DMD: variants seen among roughly 807,000 people sequenced by gnomAD.
The protein encoded by DMD is mutant dystrophin.
DMD carries 63 observed loss-of-function variants against 330.1 expected under a neutral mutation model. The ratio of observed to expected loss-of-function variants is 0.19; its 90% CI spans 0.16 to 0.24. The LOEUF (loss-of-function observed/expected upper bound fraction) is 0.24. DMD is among the 10% of genes least tolerant of loss of function. The probability of loss-of-function intolerance (pLI) is 1.00; values close to 1 mark genes in which losing one functional copy is unlikely to be tolerated. For missense variants in DMD, 3,344 were observed against 2,684.1 expected (o/e 1.25, Z -5.43); for synonymous variants, 1,223 against 959.8 (o/e 1.27, Z -5.07).
intron 55 of DMD, chrX:31,508,629 G>A (rs1042506192): frequency 4.1e-5 from 5 of 123,082 alleles, no homozygotes; most frequent in Admixed American, 3.5e-4. Context: ...GAGAGCTGCC[G>A]GGTACCAGCA....
intron 60 of DMD, among the ~76,000 whole-genome samples, chrX:31,351,407 T>A (rs1051155079): frequency 9.0e-6 from 1 of 110,885 alleles, no homozygotes; most frequent in Non-Finnish European, 1.9e-5. Context: ...CAGCTACTGT[T>A]CTTGCTACTA....
intron 44 of DMD, among the ~76,000 whole-genome samples, chrX:32,145,243 T>G (rs1356364585): frequency 8.9e-6 from 1 of 112,402 alleles, no homozygotes; most frequent in Non-Finnish European, 1.9e-5. Flanking sequence ...GTGTTTTTGT[T>G]ACTGTGAATA....
At chrX:32,346,327 G>C (rs1336417697) in intron 38 of DMD, among the ~76,000 whole-genome samples, 1 of 111,437 alleles carries the variant, frequency 9.0e-6, no homozygotes, top group South Asian at 3.7e-4. Context: ...AAAGATGGGG[G>C]AGTGTGGTAC....
At chrX:32,375,069 A>G (rs903214686) in intron 34 of DMD, among the ~76,000 whole-genome samples, 8 of 111,139 alleles carry the variant, frequency 7.2e-5, no homozygotes, top group African/African-American at 2.0e-4. Context: ...AGGATAGAAC[A>G]GCACTGCTGC....
chrX:32,263,565 G>A (rs1394505728), intron 43 of DMD, among the ~76,000 whole-genome samples: 1 of 112,212 alleles, frequency 8.9e-6, no homozygotes, highest in Admixed American at 9.5e-5. Flanking sequence ...TATGCTAACT[G>A]TAGCAGGTTT....
chrX:31,227,941 G>C (rs1353720749), intron 63 of DMD, among the ~76,000 whole-genome samples: 5 of 109,445 alleles, frequency 4.6e-5, no homozygotes, highest in Non-Finnish European at 7.6e-5. Flanking sequence ...AAAAGGATGA[G>C]TTCATGTCCT....
At chrX:32,768,573 A>G (rs1225333900) in intron 7 of DMD, among the ~76,000 whole-genome samples, 1 of 112,111 alleles carries the variant, frequency 8.9e-6, no homozygotes, top group East Asian at 2.8e-4. Flanking sequence ...ACAAAATTCA[A>G]TGTCAGAATG....
At chrX:31,898,442 C>A (rs1279579994) in intron 47 of DMD, among the ~76,000 whole-genome samples, 1 of 110,472 alleles carries the variant, frequency 9.1e-6, no homozygotes, top group Non-Finnish European at 1.9e-5. Flanking sequence ...TGGAACAGAA[C>A]AGAGCCCTCA....
chrX:31,956,577 C>T (rs926308063), intron 45 of DMD, among the ~76,000 whole-genome samples: 4 of 111,640 alleles, frequency 3.6e-5, no homozygotes, highest in Admixed American at 1.9e-4. Flanking sequence ...AGTGCTAATA[C>T]GGAAAGTGTT....
Position 32,892,575 on chromosome X carries a change from T to G in DMD, c.94-42755A>C, listed in dbSNP as rs2085318447. Reference sequence around the variant, plus strand: ...CACCCGGCTAATTTTTTTTTGTATTTGTAGTAGAGACGGGGTTTCACCATG... The same window carrying G: ...CACCCGGCTAATTTTTTTTTGTATTGGTAGTAGAGACGGGGTTTCACCATG... On this transcript the variant is annotated intron_variant, in intron 2 of 78. Transcript: ENST00000357033. Among the ~76,000 whole-genome samples the G allele has an allele frequency of 2.7e-5, 3 of 111,119 alleles. No individual in the cohort carries two copies. In the South Asian group the frequency reaches 1.1e-3, roughly 42 times the overall value.
At chrX:32,385,554 T>C in intron 33 of DMD, among the ~76,000 whole-genome samples, 1 of 110,736 alleles carries the variant, frequency 9.0e-6, no homozygotes, top group East Asian at 2.8e-4. Context: ...TGTTATCGCA[T>C]CAACCTAAAA....
intron 9 of DMD, among the ~76,000 whole-genome samples, chrX:32,664,628 T>C (rs983726673): frequency 8.9e-6 from 1 of 112,104 alleles, no homozygotes; most frequent in Non-Finnish European, 1.9e-5. Flanking sequence ...TTGGGGCAAC[T>C]GGAAGGCTAT....
At chrX:32,778,239 C>T (rs749850782) in intron 7 of DMD, among the ~76,000 whole-genome samples, 1 of 91,426 alleles carries the variant, frequency 1.1e-5, no homozygotes, top group East Asian at 3.3e-4. Context: ...ATGTCAGATC[C>T]TCGCAAAAAA....
At chrX:32,753,643 G>A (rs2071108230) in intron 7 of DMD, among the ~76,000 whole-genome samples, 1 of 111,955 alleles carries the variant, frequency 8.9e-6, no homozygotes, top group Non-Finnish European at 1.9e-5. Flanking sequence ...AAAGACTCTT[G>A]ATGCTTTGTC....
chrX:32,197,968 C>T (rs1041179490), intron 44 of DMD, among the ~76,000 whole-genome samples: 3 of 111,307 alleles, frequency 2.7e-5, no homozygotes, highest in Non-Finnish European at 3.8e-5. Flanking sequence ...ATCCTCTGAC[C>T]AACACAGCCC....
At chrX:32,324,452 G>A (rs1456498949) in intron 41 of DMD, among the ~76,000 whole-genome samples, 2 of 110,988 alleles carry the variant, frequency 1.8e-5, no homozygotes, top group Non-Finnish European at 3.8e-5. Flanking sequence ...ACAATGCTGC[G>A]TTAATGGTGA....
intron 2 of DMD, among the ~76,000 whole-genome samples, chrX:32,903,462 G>A (rs989816202): frequency 9.0e-6 from 1 of 110,933 alleles, no homozygotes; most frequent in Admixed American, 9.7e-5. Flanking sequence ...TATAATAAAA[G>A]CTGTAGGGAA....
intron 7 of DMD, among the ~76,000 whole-genome samples, chrX:32,715,551 T>G (rs2065627700): frequency 9.5e-6 from 1 of 105,719 alleles, no homozygotes; most frequent in South Asian, 4.4e-4. Context: ...CTTAGGGACT[T>G]AGGGAGGCCA....
intron 59 of DMD, among the ~76,000 whole-genome samples, chrX:31,461,645 C>A (rs988155115): frequency 9.0e-6 from 1 of 111,359 alleles, no homozygotes; most frequent in African/African-American, 3.3e-5. Flanking sequence ...TTCTGATGAA[C>A]AGCTATCAAG....
Sources: allele counts gnomAD v4.1 joint callset (sites outside exome capture counted in the v4.1 genomes callset), GRCh38; gene constraint gnomAD v4.1.1; transcripts MANE v1.5; gene names NCBI Gene and HGNC (gene_info 2026-07-23, HGNC 2026-07-21).